EPB41L4B: variants seen among roughly 807,000 people sequenced by gnomAD.
EPB41L4B encodes erythrocyte membrane protein band 4.1 like 4B, also known as band 4.1-like protein 4B.
In EPB41L4B, 30 loss-of-function variants were observed where a neutral mutation model predicts 112.5. The ratio of observed to expected loss-of-function variants is 0.27; its 90% CI spans 0.20 to 0.36. The LOEUF (loss-of-function observed/expected upper bound fraction) is 0.36, where lower values mean the gene tolerates loss of function less well. EPB41L4B is among the 10% of genes least tolerant of loss of function. EPB41L4B has a pLI of 1.00. For missense variants in EPB41L4B, 1,024 were observed against 1,133.3 expected, an observed-to-expected ratio of 0.90 and a Z score of 1.38; for synonymous variants, 408 against 439.7, an observed-to-expected ratio of 0.93 and a Z score of 0.90.
chr9:109,238,766 A>C (rs1289614089), intron 15 of EPB41L4B, among the ~76,000 whole-genome samples: 1 of 152,216 alleles, frequency 6.6e-6, no homozygotes, highest in Non-Finnish European at 1.5e-5. Flanking sequence ...GGGCAGAGGC[A>C]GACATTGAGC....
intron 1 of EPB41L4B, among the ~76,000 whole-genome samples, chr9:109,292,668 T>C (rs1295744113): frequency 6.6e-6 from 1 of 152,152 alleles, no homozygotes; most frequent in Non-Finnish European, 1.5e-5. Context: ...TCAGTTTCAG[T>C]ATTATTCTTT....
intron 24 of EPB41L4B, among the ~76,000 whole-genome samples, chr9:109,178,617 T>A (rs1361618772): frequency 6.6e-6 from 1 of 151,934 alleles, no homozygotes; most frequent in Non-Finnish European, 1.5e-5. Flanking sequence ...ACTGGGGTTT[T>A]TTTTAGTAGA....
At chr9:109,176,483 T>C (rs1831842628) in intron 25 of EPB41L4B, 68 bp downstream of exon 25, 1 of 1,500,750 alleles carries the variant, frequency 6.7e-7, no homozygotes, top group Non-Finnish European at 8.9e-7. Context: ...ACAAACACAA[T>C]GAACCTAGAG....
At chr9:109,253,343 C>T (rs141900349) in intron 12 of EPB41L4B, 98 bp downstream of exon 12, 37 of 797,772 alleles carry the variant, frequency 4.6e-5, no homozygotes, top group South Asian at 2.1e-4. Flanking sequence ...TGGAGAACTG[C>T]GGGTACTTTC....
At chr9:109,293,715 A>C (rs59444934) in intron 1 of EPB41L4B, among the ~76,000 whole-genome samples, 2 of 150,290 alleles carry the variant, frequency 1.3e-5, no homozygotes, top group African/African-American at 2.5e-5. Flanking sequence ...AAAAAAAAAA[A>C]AAAAACATAA....
rs534550502 is a variant in EPB41L4B, at chr9:109,310,554, C to T, written c.306+9587G>A. Among the ~76,000 whole-genome samples the T allele has an allele frequency of 3.3e-5, 5 of 152,312 alleles. No individual in the cohort carries two copies. The East Asian group carries it at 9.6e-4, about 29-fold the overall frequency. ...GTGCTGGACAGAGGGCTTGCCAACA[C>T]TGCGCAACTCAGACAAAAATGTAAG... On this transcript the variant is annotated intron_variant, in intron 1 of 25. Coordinates refer to ENST00000374566, the MANE Select transcript of EPB41L4B (RefSeq NM_019114.5).
At chr9:109,191,110 G>T (rs956179939) in intron 22 of EPB41L4B, among the ~76,000 whole-genome samples, 2 of 152,188 alleles carry the variant, frequency 1.3e-5, no homozygotes, top group African/African-American at 4.8e-5. Flanking sequence ...AGAAGCAGAT[G>T]GCTGGAGTCC....
chr9:109,256,795 C>T (rs567615881), intron 7 of EPB41L4B, among the ~76,000 whole-genome samples: 77 of 152,230 alleles, frequency 5.1e-4, no homozygotes, highest in Middle Eastern at 3.4e-3. Context: ...ATACAGAATT[C>T]GCTGGGCGTG....
chr9:109,181,729 C>T (rs16936344), intron 24 of EPB41L4B, among the ~76,000 whole-genome samples: 2,194 of 152,176 alleles, frequency 0.014, 57 homozygotes, highest in African/African-American at 0.05. Context: ...CTACCTAAGA[C>T]CACACCATTA....
At chr9:109,178,848 T>A (rs1831941934) in intron 24 of EPB41L4B, among the ~76,000 whole-genome samples, 2 of 126,394 alleles carry the variant, frequency 1.6e-5, no homozygotes, top group East Asian at 2.6e-4. Flanking sequence ...ATTGAGGTAG[T>A]GGCACCAAAC....
chr9:109,176,965 A>C (rs1360027573), intron 24 of EPB41L4B, among the ~76,000 whole-genome samples: 1 of 152,244 alleles, frequency 6.6e-6, no homozygotes, highest in Non-Finnish European at 1.5e-5. Flanking sequence ...TGCATTTGCC[A>C]ATCAGAAAGA....
intron 6 of EPB41L4B, among the ~76,000 whole-genome samples, chr9:109,260,410 C>CT (rs35040371): frequency 0.024 from 2,507 of 102,500 alleles, 105 homozygotes; most frequent in African/African-American, 0.055. Flanking sequence ...TCAATTGTAT[C>CT]TTTTTTTTTT....
At chr9:109,317,732 G>T (rs1837685258) in intron 1 of EPB41L4B, among the ~76,000 whole-genome samples, 1 of 152,192 alleles carries the variant, frequency 6.6e-6, no homozygotes, top group Non-Finnish European at 1.5e-5. Flanking sequence ...CCAGCTTGGG[G>T]TATCACGGTC....
chr9:109,259,037 C>G (rs1279960659), intron 6 of EPB41L4B, among the ~76,000 whole-genome samples: 1 of 152,116 alleles, frequency 6.6e-6, no homozygotes, highest in Non-Finnish European at 1.5e-5. Flanking sequence ...TCCCCCACCC[C>G]CTGCAGCTCA....
chr9:109,217,346 CTT>C (rs940639742), intron 15 of EPB41L4B, among the ~76,000 whole-genome samples: 3 of 152,068 alleles, frequency 2.0e-5, no homozygotes, highest in African/African-American at 7.2e-5. Context: ...ATATCAGAGA[CTT>C]TAAGTCTTGT....
At chr9:109,210,984 A>G (rs978043154) in intron 17 of EPB41L4B, among the ~76,000 whole-genome samples, 1 of 152,326 alleles carries the variant, frequency 6.6e-6, no homozygotes, top group Non-Finnish European at 1.5e-5. Context: ...GGGATAAAGA[A>G]ATGATCAGAT....
intron 15 of EPB41L4B, among the ~76,000 whole-genome samples, chr9:109,224,259 T>A (rs972360650): frequency 1.3e-5 from 2 of 152,140 alleles, no homozygotes; most frequent in African/African-American, 2.4e-5. Context: ...GCAGCATTAT[T>A]CATAAGAGCC....
chr9:109,241,090 G>A, intron 15 of EPB41L4B: 2 of 985,526 alleles, frequency 2.0e-6, no homozygotes, highest in Non-Finnish European at 2.4e-6. Context: ...AGTTTTCCTT[G>A]TGATAAAATT....
At chr9:109,204,265 T>A (rs1832924076) in intron 18 of EPB41L4B, among the ~76,000 whole-genome samples, 1 of 151,850 alleles carries the variant, frequency 6.6e-6, no homozygotes, top group Admixed American at 6.6e-5. Context: ...AGACACCCAC[T>A]CAGCCAGCCA....
Sources: allele counts gnomAD v4.1 joint callset (sites outside exome capture counted in the v4.1 genomes callset), GRCh38; gene constraint gnomAD v4.1.1; transcripts MANE v1.5; gene names NCBI Gene and HGNC (gene_info 2026-07-23, HGNC 2026-07-21).